Variants in CNTN5 observed in about 807,000 individuals in gnomAD.
The protein encoded by CNTN5 is contactin-5.
A neutral mutation model predicts 129.1 loss-of-function variants in CNTN5; 77 were observed. The observed-to-expected ratio is 0.60, with a 90% CI of 0.50 to 0.72. CNTN5 has a LOEUF of 0.72. Among genes scored for constraint, CNTN5 ranks in the 30% least tolerant of loss-of-function variants. The pLI, the probability that CNTN5 is intolerant of heterozygous loss-of-function variation, is 0.00. For synonymous variants in CNTN5, 509 were observed against 465.6 expected (o/e 1.09, Z -1.20); for missense variants, 1,478 against 1,328.8 (o/e 1.11, Z -1.75).
At position 99,026,250 on chromosome 11, in the gene CNTN5, T is replaced by G. The variant is rs576051847; in HGVS notation, c.-210+4980T>G. On this transcript the variant is annotated intron_variant, in intron 1 of 24. Transcript: ENST00000524871. Reference sequence around the variant, plus strand: ...GTGAAAAGTCTCATGTTTAATCTGTTAGGTATTGTATTTTGCCTTATTTTG... The same window carrying G: ...GTGAAAAGTCTCATGTTTAATCTGTGAGGTATTGTATTTTGCCTTATTTTG... 5.3e-5 allele frequency among the ~76,000 whole-genome samples: 8 copies of G among 151,804 alleles called. No homozygotes were observed. The South Asian group carries it at 1.7e-3, about 31-fold the overall frequency.
chr11:100,217,575 C>T (rs750583767), intron 15 of CNTN5, among the ~76,000 whole-genome samples: 2 of 152,100 alleles, frequency 1.3e-5, no homozygotes, highest in Non-Finnish European at 2.9e-5. Flanking sequence ...TTTTTTCTGA[C>T]TAGTTCTATC....
At chr11:99,955,796 C>A (rs76292796) in intron 7 of CNTN5, among the ~76,000 whole-genome samples, 10,709 of 152,142 alleles carry the variant, frequency 0.07, 775 homozygotes, top group East Asian at 0.32. Flanking sequence ...GATCTCCTAA[C>A]CTCATGATCC....
chr11:99,073,725 G>A (rs974926438), intron 1 of CNTN5, among the ~76,000 whole-genome samples: 1 of 152,020 alleles, frequency 6.6e-6, no homozygotes, highest in Non-Finnish European at 1.5e-5. Context: ...TGAAGGAAAT[G>A]AACTCATTTT....
At chr11:99,658,019 T>C (rs1014328355) in intron 3 of CNTN5, among the ~76,000 whole-genome samples, 5 of 152,060 alleles carry the variant, frequency 3.3e-5, no homozygotes, top group Non-Finnish European at 5.9e-5. Context: ...AAAATTTATA[T>C]TTTATTAATT....
At chr11:99,214,467 G>A (rs1360524443) in intron 1 of CNTN5, among the ~76,000 whole-genome samples, 1 of 149,638 alleles carries the variant, frequency 6.7e-6, no homozygotes, top group Non-Finnish European at 1.5e-5. Context: ...CTAGTTACCA[G>A]AAAATGTAAC....
At chr11:100,122,201 A>C (rs1204311313) in intron 13 of CNTN5, among the ~76,000 whole-genome samples, 1 of 152,036 alleles carries the variant, frequency 6.6e-6, no homozygotes, top group African/African-American at 2.4e-5. Context: ...TGAAGACCTG[A>C]GAACGGGGTG....
intron 1 of CNTN5, among the ~76,000 whole-genome samples, chr11:99,312,712 C>A (rs1315489379): frequency 6.6e-6 from 1 of 151,916 alleles, no homozygotes; most frequent in African/African-American, 2.4e-5. Flanking sequence ...CATTCTGCAA[C>A]ATTTTAGTAA....
chr11:99,570,150 A>C (rs1949131752), intron 3 of CNTN5, among the ~76,000 whole-genome samples: 1 of 151,372 alleles, frequency 6.6e-6, no homozygotes, highest in Non-Finnish European at 1.5e-5. Flanking sequence ...AAAAAAAAGA[A>C]GAAAAGAAAA....
chr11:100,244,680 G>T (rs1374917489), intron 16 of CNTN5, among the ~76,000 whole-genome samples: 4 of 152,038 alleles, frequency 2.6e-5, no homozygotes, highest in Admixed American at 2.6e-4. Flanking sequence ...GTGGTCATAG[G>T]AATATATTGC....
intron 3 of CNTN5, among the ~76,000 whole-genome samples, chr11:99,616,108 C>T (rs1043361184): frequency 6.6e-6 from 1 of 152,040 alleles, no homozygotes. Flanking sequence ...TAGTTCTGTG[C>T]AACTTTATGA....
chr11:99,767,633 A>C (rs983750002), intron 3 of CNTN5, among the ~76,000 whole-genome samples: 1 of 151,670 alleles, frequency 6.6e-6, no homozygotes, highest in South Asian at 2.1e-4. Flanking sequence ...AAACCAAAAA[A>C]AAAAAAACCC....
At chr11:99,102,518 G>A (rs548830553) in intron 1 of CNTN5, among the ~76,000 whole-genome samples, 133 of 152,132 alleles carry the variant, frequency 8.7e-4, no homozygotes, top group African/African-American at 3.2e-3. Context: ...AATTTCTTCT[G>A]CCAGATACCC....
intron 2 of CNTN5, among the ~76,000 whole-genome samples, chr11:99,484,065 C>A (rs1490522384): frequency 6.6e-6 from 1 of 151,854 alleles, no homozygotes; most frequent in Non-Finnish European, 1.5e-5. Context: ...GGGACTATAT[C>A]TAACTAAAAA....
rs535421124 is a variant in CNTN5, at chr11:99,898,201, G to C, written c.578-17853G>C. 3.3e-5 allele frequency among the ~76,000 whole-genome samples: 5 copies of C among 151,844 alleles called. No individual in the cohort carries two copies. In the South Asian group the frequency reaches 1.0e-3, roughly 31 times the overall value. On this transcript the variant is annotated intron_variant, in intron 6 of 24. Transcript: ENST00000524871. ...GAACAAATCAAACCTAAATGTAGCA[G>C]AAGAAAAAATACTAGAGCAGAACTA... is the stretch of plus-strand genomic sequence containing the variant.
chr11:99,784,460 C>G (rs1945437235), intron 3 of CNTN5, among the ~76,000 whole-genome samples: 1 of 151,498 alleles, frequency 6.6e-6, no homozygotes, highest in South Asian at 2.1e-4. Flanking sequence ...CATCCATGTC[C>G]CTGCAAAGGA....
At chr11:99,650,233 A>G (rs536528688) in intron 3 of CNTN5, among the ~76,000 whole-genome samples, 1 of 152,036 alleles carries the variant, frequency 6.6e-6, no homozygotes, top group South Asian at 2.1e-4. Flanking sequence ...AGTGAGAAAT[A>G]TAACTATCAA....
In CNTN5 at chr11:100,026,441, AC is replaced by A. The variant is rs1941422308; in HGVS notation, c.980+24306del. On this transcript the variant is annotated intron_variant, in intron 9 of 24. Coordinates refer to ENST00000524871, the MANE Select transcript of CNTN5 (RefSeq NM_014361.4). ...TAGATTGTATGGTTATAGTATGTTT[AC>A]TTTTGTAAGAAACTGGCAAACTGAT... 1.4e-4 allele frequency among the ~76,000 whole-genome samples: 21 copies of A among 152,250 alleles called. No homozygotes were observed. In the South Asian group the frequency reaches 4.3e-3, roughly 32 times the overall value.
intron 21 of CNTN5, among the ~76,000 whole-genome samples, chr11:100,337,902 A>G (rs1565437752): frequency 1.3e-5 from 2 of 152,258 alleles, no homozygotes; most frequent in Admixed American, 1.3e-4. Context: ...TAACTCTTTT[A>G]TAAATGAAAA....
chr11:99,778,444 C>A (rs1198944885), intron 3 of CNTN5, among the ~76,000 whole-genome samples: 3 of 151,730 alleles, frequency 2.0e-5, no homozygotes, highest in Non-Finnish European at 4.4e-5. Context: ...CTATTATATG[C>A]TTTTTAAAAA....
Sources: gnomAD v4.1 joint callset for allele counts (sites outside exome capture counted in the v4.1 genomes callset) on GRCh38, gnomAD v4.1.1 for gene constraint, MANE v1.5 for transcripts, NCBI Gene and HGNC (gene_info 2026-07-23, HGNC 2026-07-21) for gene names.